Variants in NRG1 observed in about 807,000 individuals in gnomAD.
NRG1 encodes neuregulin 1, also known as pro-neuregulin-1, membrane-bound isoform.
A neutral mutation model predicts 63.8 loss-of-function variants in NRG1; 18 were observed. The ratio of observed to expected loss-of-function variants is 0.28; its 90% CI spans 0.19 to 0.42. The LOEUF is 0.42. NRG1 is among the 10% of genes least tolerant of loss of function. The pLI is 1.00. For missense variants in NRG1, 762 were observed against 814.7 expected (o/e 0.94, Z 0.79); for synonymous variants, 302 against 301.3 (o/e 1.00, Z -0.02).
chr8:31,693,748 T>C (rs1458389678), intron 1 of NRG1, among the ~76,000 whole-genome samples: 1 of 152,202 alleles, frequency 6.6e-6, no homozygotes, highest in African/African-American at 2.4e-5. Flanking sequence ...ATTTATGACA[T>C]AATCAATGGC....
At chr8:32,140,538 A>G (rs984390891) in intron 1 of NRG1, among the ~76,000 whole-genome samples, 6 of 151,800 alleles carry the variant, frequency 4.0e-5, no homozygotes, top group African/African-American at 1.5e-4. Context: ...TGACAACTCA[A>G]TGCAGTCTCA....
intron 1 of NRG1, among the ~76,000 whole-genome samples, chr8:31,738,921 T>C (rs764830983): frequency 6.6e-6 from 1 of 152,108 alleles, no homozygotes; most frequent in Non-Finnish European, 1.5e-5. Context: ...ACTAATTACA[T>C]CTGCCACAAA....
chr8:32,143,474 G>A (rs554481791), intron 1 of NRG1, among the ~76,000 whole-genome samples: 8 of 152,210 alleles, frequency 5.3e-5, no homozygotes, highest in African/African-American at 1.9e-4. Context: ...TTATTTGGTT[G>A]GTTTACTGCC....
intron 5 of NRG1, among the ~76,000 whole-genome samples, chr8:32,643,325 C>G (rs1423829217): frequency 6.6e-6 from 1 of 152,192 alleles, no homozygotes; most frequent in Non-Finnish European, 1.5e-5. Flanking sequence ...ATAGTTTGTT[C>G]TGCTTTCAGG....
intron 1 of NRG1, among the ~76,000 whole-genome samples, chr8:32,517,427 CAGA>C (rs1450474141): frequency 2.0e-5 from 3 of 152,048 alleles, no homozygotes; most frequent in Admixed American, 6.6e-5. Flanking sequence ...GGGCGGCCAG[CAGA>C]AGAAGATTTT....
intron 1 of NRG1, among the ~76,000 whole-genome samples, chr8:32,093,856 T>A (rs1478484108): frequency 6.6e-6 from 1 of 152,208 alleles, no homozygotes; most frequent in Non-Finnish European, 1.5e-5. Context: ...ATGGGTATCC[T>A]TTCCTGGTCA....
intron 1 of NRG1, among the ~76,000 whole-genome samples, chr8:32,429,315 GGTAA>G (rs1254031642): frequency 1.5e-4 from 23 of 152,270 alleles, no homozygotes; most frequent in African/African-American, 5.5e-4. Context: ...AAAGTTTGAA[GGTAA>G]GTGTTTTCAG....
chr8:31,783,904 G>A (rs898098330), intron 1 of NRG1, among the ~76,000 whole-genome samples: 5 of 152,104 alleles, frequency 3.3e-5, no homozygotes, highest in Admixed American at 6.6e-5. Context: ...TATATGCTAG[G>A]CAAGGTGCTA....
chr8:32,643,994 A>G (rs1031151599), intron 5 of NRG1, among the ~76,000 whole-genome samples: 1 of 152,202 alleles, frequency 6.6e-6, no homozygotes, highest in African/African-American at 2.4e-5. Context: ...CAGAAATAGG[A>G]TGAATCAGAA....
intron 1 of NRG1, among the ~76,000 whole-genome samples, chr8:32,482,398 T>TTGTGTGTG (rs10689849): frequency 0.1 from 15,173 of 148,176 alleles, 929 homozygotes; most frequent in Non-Finnish European, 0.14. Flanking sequence ...CTTTCTACTT[T>TTGTGTGTG]TGTGTGTGTG....
In NRG1 at chr8:32,366,675, GTGTATATATATATATATATATATA is replaced by G. The variant is rs1328470707; in HGVS notation, c.38-229151_38-229128del. On this transcript the variant is annotated intron_variant, in intron 1 of 10. Coordinates refer to the NRG1 transcript ENST00000519301. ...ATATTGTGTGTGTGTGTGTGTGTGT[GTGTATATATATATATATATATATA>G]TATATATATATATATCTCACTTTTT... Among the ~76,000 whole-genome samples the G allele has an allele frequency of 8.1e-4, 44 of 54,548 alleles. 1 individual carries two copies. The highest frequency in any genetic ancestry group is 1.3e-3 in the Non-Finnish European group (32 of 24,422). The allele number at this position is 54,548 out of a possible 152,430, so 35.8% of individuals were successfully genotyped here.
intron 1 of NRG1, among the ~76,000 whole-genome samples, chr8:32,198,741 G>T (rs1321423654): frequency 2.0e-5 from 3 of 152,204 alleles, no homozygotes; most frequent in Admixed American, 6.5e-5. Flanking sequence ...CTTTAAATTA[G>T]TTAATGACAG....
At chr8:32,456,977 C>T (rs2129488467) in intron 1 of NRG1, among the ~76,000 whole-genome samples, 1 of 152,024 alleles carries the variant, frequency 6.6e-6, no homozygotes, top group Non-Finnish European at 1.5e-5. Context: ...ACTAAAAATA[C>T]AAAAATTAGC....
intron 1 of NRG1, among the ~76,000 whole-genome samples, chr8:32,335,988 CCACA>C (rs369664055): frequency 6.6e-6 from 1 of 150,548 alleles, no homozygotes; most frequent in African/African-American, 2.4e-5. Flanking sequence ...CTCCACCCAC[CCACA>C]CACACACACA....
At chr8:32,411,798 G>A (rs1038440744) in intron 1 of NRG1, among the ~76,000 whole-genome samples, 1 of 152,124 alleles carries the variant, frequency 6.6e-6, no homozygotes, top group Non-Finnish European at 1.5e-5. Context: ...AGTTGCATCC[G>A]AAAAGCCTGA....
At chr8:31,877,652 C>T (rs1830031521) in intron 1 of NRG1, among the ~76,000 whole-genome samples, 1 of 152,140 alleles carries the variant, frequency 6.6e-6, no homozygotes, top group Admixed American at 6.5e-5. Context: ...TTTGGTCATA[C>T]ATCTAATAAC....
At chr8:32,620,327 A>T (rs117181961) in intron 5 of NRG1, among the ~76,000 whole-genome samples, 1 of 152,102 alleles carries the variant, frequency 6.6e-6, no homozygotes, top group South Asian at 2.1e-4. Context: ...TTTCTAAAGT[A>T]AATGTTGAAA....
At chr8:31,940,590 ATACAG>A (rs1801603363) in intron 1 of NRG1, among the ~76,000 whole-genome samples, 1 of 152,136 alleles carries the variant, frequency 6.6e-6, no homozygotes, top group Non-Finnish European at 1.5e-5. Flanking sequence ...AACAAAAACA[ATACAG>A]AAAATAAATA....
At chr8:32,131,789 A>T (rs1360139161) in intron 1 of NRG1, among the ~76,000 whole-genome samples, 1 of 152,062 alleles carries the variant, frequency 6.6e-6, no homozygotes. Context: ...CCTGTGTGAT[A>T]GGAGTAGTAC....
Sources: allele counts gnomAD v4.1 joint callset (sites outside exome capture counted in the v4.1 genomes callset), GRCh38; gene constraint gnomAD v4.1.1; transcripts MANE v1.5; gene names NCBI Gene and HGNC (gene_info 2026-07-23, HGNC 2026-07-21).